MYLK: variants seen among roughly 807,000 people sequenced by gnomAD.
MYLK encodes the protein myosin light chain kinase, smooth muscle.
Under a neutral mutation model 203.4 loss-of-function variants are expected in MYLK, and 106 were observed. The observed-to-expected ratio is 0.52, with a 90% confidence interval of 0.45 to 0.61. The LOEUF (loss-of-function observed/expected upper bound fraction) is 0.61, where lower values mean the gene tolerates loss of function less well. MYLK is among the 20% of genes least tolerant of loss of function. The pLI is 0.00. For missense variants in MYLK, 2,072 were observed against 2,442.3 expected (o/e 0.85, Z 3.20); for synonymous variants, 867 against 959.5 (o/e 0.90, Z 1.78).
At chr3:123,881,563 T>A (rs1412086653) in intron 1 of MYLK, among the ~76,000 whole-genome samples, 1 of 152,058 alleles carries the variant, frequency 6.6e-6, no homozygotes, top group East Asian at 1.9e-4. Flanking sequence ...AGTATTGTTC[T>A]CAGAAAGATA....
At chr3:123,654,989 A>G (rs1455033472) in intron 24 of MYLK, among the ~76,000 whole-genome samples, 5 of 152,116 alleles carry the variant, frequency 3.3e-5, no homozygotes, top group Admixed American at 2.6e-4. Context: ...AATTGCTGGG[A>G]TTACAGGTGT....
At chr3:123,717,212 C>A (rs1244202251) in intron 13 of MYLK, among the ~76,000 whole-genome samples, 1 of 152,142 alleles carries the variant, frequency 6.6e-6, no homozygotes, top group Non-Finnish European at 1.5e-5. Context: ...GTCCAAAGTA[C>A]CTGTGCATAA....
chr3:123,739,283 T>A (rs771508093), intron 6 of MYLK, among the ~76,000 whole-genome samples: 20 of 152,272 alleles, frequency 1.3e-4, no homozygotes, highest in African/African-American at 4.8e-5. Context: ...CTTCATTTAC[T>A]AGCCTTCCTT....
At position 123,640,828 on chromosome 3, in the gene MYLK, C is replaced by T. The variant is rs1429076822; in HGVS notation, c.4620-324G>A. ...GCAAAAAGAGTGACCTCTAAACAGT[C>T]TCTTTCCCTCAAATGACCACACATG... On this transcript the variant is annotated intron_variant, in intron 27 of 33. Coordinates refer to ENST00000360304, the MANE Select transcript of MYLK (RefSeq NM_053025.4). The surrounding 1 kb of genome is among the most constrained non-coding windows in gnomAD (Gnocchi z 4.3). 6.6e-6 allele frequency among the ~76,000 whole-genome samples: 1 copy of T among 152,200 alleles called. No homozygotes were observed. Among genetic ancestry groups the T allele is most frequent in the African/African-American group, 2.4e-5 (1 of 41,456 alleles).
intron 2 of MYLK, among the ~76,000 whole-genome samples, chr3:123,833,235 T>C (rs1242837400): frequency 6.6e-6 from 1 of 152,178 alleles, no homozygotes. Context: ...CAGGTGTTTC[T>C]ATAAGGAATG....
At chr3:123,803,646 T>A (rs1159207150) in intron 3 of MYLK, among the ~76,000 whole-genome samples, 1 of 152,222 alleles carries the variant, frequency 6.6e-6, no homozygotes, top group African/African-American at 2.4e-5. Context: ...CAGGCAGGGA[T>A]GAGCTGCTGC....
At chr3:123,734,281 A>G (rs1015740864) in intron 9 of MYLK, 59 bp from the exon 10 acceptor site, 5 of 1,443,376 alleles carry the variant, frequency 3.5e-6, no homozygotes, top group South Asian at 1.4e-5. Flanking sequence ...TAGAATGATC[A>G]TCTGGTTACT....
intron 11 of MYLK, among the ~76,000 whole-genome samples, chr3:123,726,901 T>G (rs1488812340): frequency 6.6e-6 from 1 of 152,210 alleles, no homozygotes; most frequent in Non-Finnish European, 1.5e-5. Context: ...GAACTGGATT[T>G]GGTGCTTAGA....
chr3:123,880,616 G>A (rs1049104652), intron 1 of MYLK, among the ~76,000 whole-genome samples: 7 of 145,894 alleles, frequency 4.8e-5, no homozygotes, highest in Admixed American at 4.8e-4. Context: ...GGGGGGCAAG[G>A]AAGTACCAAC....
At chr3:123,646,230 ATG>A (rs1293841896) in intron 27 of MYLK, among the ~76,000 whole-genome samples, 1 of 152,132 alleles carries the variant, frequency 6.6e-6, no homozygotes, top group East Asian at 1.9e-4. Context: ...GAATATATAT[ATG>A]TGTGTGTGTG....
intron 2 of MYLK, among the ~76,000 whole-genome samples, chr3:123,843,289 C>A (rs138738553): frequency 0.011 from 1,625 of 152,224 alleles, 74 homozygotes; most frequent in Admixed American, 0.08. Context: ...TATGTCCTTG[C>A]AAATTGGGGC....
chr3:123,830,790 C>T (rs1213023351), intron 3 of MYLK, among the ~76,000 whole-genome samples: 2 of 152,172 alleles, frequency 1.3e-5, no homozygotes, highest in African/African-American at 4.8e-5. Flanking sequence ...CGGGAAACCA[C>T]CTTCCTCACT....
chr3:123,761,412 C>T, intron 4 of MYLK, among the ~76,000 whole-genome samples: 1 of 152,192 alleles, frequency 6.6e-6, no homozygotes, highest in South Asian at 2.1e-4. Flanking sequence ...GCATTCTGCT[C>T]ACTCTCCCAG....
At position 123,708,000 on chromosome 3, in the gene MYLK, G is replaced by A. The variant is rs574538830; in HGVS notation, c.2144C>T (p.Pro715Leu). Residue 715 changes from proline (P) to leucine (L), a missense_variant, in exon 16 of 34, where the codon CCT (proline) becomes CTT (leucine). Pro to Leu is a moderately conservative substitution (Grantham distance 98). Transcript: ENST00000360304. ...RTQAVLTVQEPHDGTQPWFIS... is the reference protein window; with the variant it reads ...RTQAVLTVQELHDGTQPWFIS... ...GAACCAGGGCTGGGTGCCATCGTGA[G>A]GCTCTGGAAATTGGCAAAGGGCAGA... 1 of 1,614,094 alleles carries A rather than the reference G, an allele frequency of 6.2e-7. No homozygotes were observed. The highest frequency in any genetic ancestry group is 1.1e-5 in the South Asian group (1 of 91,052).
At chr3:123,669,723 G>A (rs1317828561) in intron 20 of MYLK, among the ~76,000 whole-genome samples, 2 of 152,036 alleles carry the variant, frequency 1.3e-5, no homozygotes, top group African/African-American at 2.4e-5. Flanking sequence ...TGGAAAAAGA[G>A]AGGGAGAGAA....
intron 13 of MYLK, among the ~76,000 whole-genome samples, chr3:123,718,017 A>G (rs1056855783): frequency 2.6e-5 from 4 of 151,216 alleles, no homozygotes; most frequent in Admixed American, 2.0e-4. Flanking sequence ...ATGGGCCACC[A>G]CTCCCGGCTA....
At chr3:123,828,978 A>AC (rs2066231153) in intron 3 of MYLK, among the ~76,000 whole-genome samples, 1 of 152,068 alleles carries the variant, frequency 6.6e-6, no homozygotes, top group Non-Finnish European at 1.5e-5. Context: ...AGAAAAGGAA[A>AC]CTCATATACT....
At chr3:123,744,100 C>A (rs544809604) in intron 5 of MYLK, among the ~76,000 whole-genome samples, 1 of 152,096 alleles carries the variant, frequency 6.6e-6, no homozygotes, top group South Asian at 2.1e-4. Context: ...TATCCCCATG[C>A]GACCCTGATC....
intron 20 of MYLK, among the ~76,000 whole-genome samples, chr3:123,672,810 T>C (rs962716606): frequency 6.6e-6 from 1 of 152,256 alleles, no homozygotes; most frequent in Non-Finnish European, 1.5e-5. Flanking sequence ...TCCTATTCTA[T>C]ACATATTTTA....
Sources: allele counts gnomAD v4.1 joint callset (sites outside exome capture counted in the v4.1 genomes callset), GRCh38; gene constraint gnomAD v4.1.1; non-coding constraint Gnocchi (gnomAD v3.1); transcripts MANE v1.5; gene names NCBI Gene and HGNC (gene_info 2026-07-23, HGNC 2026-07-21).